The following MYL7 variants were observed in gnomAD, a reference collection of about 807,000 sequenced individuals.
The protein encoded by MYL7 is myosin regulatory light chain 2, atrial isoform.
Under a neutral mutation model 22.5 loss-of-function variants are expected in MYL7, and 27 were observed. That is an observed-to-expected ratio of 1.20 (90% CI 0.89 to 1.66). The LOEUF is 1.66. Ranked by LOEUF, MYL7 falls within the 40% of genes most tolerant of loss-of-function variation. MYL7 has a pLI of 0.00. For synonymous variants in MYL7, 81 were observed against 84.4 expected (o/e 0.96, Z 0.22); for missense variants, 209 against 226.8 (o/e 0.92, Z 0.50).
chr7:44,139,078 G>T (rs1189666254), intron 6 of MYL7, 56 bp from the exon 7 acceptor site: 2 of 1,379,624 alleles, frequency 1.4e-6, no homozygotes, highest in Non-Finnish European at 2.1e-6. Context: ...GCCCGGCAGA[G>T]ACCTCACCTG....
chr7:44,141,163 C>T, intron 1 of MYL7, 89 bp from the exon 2 acceptor site: 1 of 1,571,392 alleles, frequency 6.4e-7, no homozygotes, highest in Non-Finnish European at 8.7e-7. Flanking sequence ...AGAGCATTCC[C>T]AGGAGAGCCA....
Position 44,140,787 on chromosome 7 carries a change from C to T in MYL7, c.118G>A (p.Ala40Thr). 6.2e-7 allele frequency: 1 copy of T among 1,612,768 alleles called. No homozygotes were observed. The highest frequency in any genetic ancestry group is 8.5e-7 in the Non-Finnish European group (1 of 1,179,586). The change falls in exon 3 of 7, where the codon GCC (alanine) becomes ACC (threonine). Residue 40 changes from alanine to threonine, a missense_variant and splice_region_variant. Physicochemically the swap from Ala to Thr is moderately conservative, Grantham distance 58 (BLOSUM62 0). Coordinates refer to ENST00000223364, the MANE Select transcript of MYL7 (RefSeq NM_021223.3). ...EQAQIQEFKE[A>T]FSCIDQNRDG... ...CGATTCTGGTCGATACAGCTGAAGG[C>T]CTGTGGGATGGGGGCCTTCAGGTGG...
In MYL7 at chr7:44,138,881, A is replaced by C; in HGVS notation, c.*40T>G. 1 of 1,548,356 alleles carries C rather than the reference A, an allele frequency of 6.5e-7. No individual in the cohort carries two copies. The highest frequency in any genetic ancestry group is 8.9e-7 in the Non-Finnish European group (1 of 1,120,538). Reference sequence around the variant, plus strand: ...CACAGCAATTCCAATTTTGCAACAGAGTTTATTGAGGTGCCCCCCCGTGGG... The same window carrying C: ...CACAGCAATTCCAATTTTGCAACAGCGTTTATTGAGGTGCCCCCCCGTGGG... On this transcript the variant is annotated 3_prime_UTR_variant, in exon 7 of 7. Transcript: ENST00000223364.
chr7:44,139,950 A>G (rs2096263274), intron 4 of MYL7, 90 bp from the exon 5 acceptor site: 1 of 1,156,988 alleles, frequency 8.6e-7, no homozygotes, highest in Non-Finnish European at 1.2e-6. Context: ...GGAGCCTCCC[A>G]CATCCCAGAA....
chr7:44,139,563 C>T lies in MYL7; in HGVS notation c.384G>A (p.Lys128=), dbSNP rs1327728408. 1 of 1,607,796 alleles carries T rather than the reference C, an allele frequency of 6.2e-7. No homozygotes were observed. ...GKGVVNKDEF[K]QLLLTQADKF... is the part of the protein sequence containing the mutation. The stretch of plus-strand genomic sequence containing the variant: ...TGTCTGCCTGGGTCAGGAGAAGCTG[C>T]TTGAACCTGGGGGGTGAGGAGGGTC... Residue 128 remains lysine (K), a synonymous_variant, in exon 6 of 7, where the codon AAG becomes AAA. Transcript: ENST00000223364.
intron 6 of MYL7, 56 bp downstream of exon 6, chr7:44,139,465 G>A: frequency 1.3e-6 from 2 of 1,582,336 alleles, no homozygotes; most frequent in Non-Finnish European, 1.7e-6. Flanking sequence ...TGGGTCATGG[G>A]TGAAGGCCCA....
Position 44,139,814 on chromosome 7 carries a change from G to A in MYL7, c.345C>T (p.Asp115=), listed in dbSNP as rs931533791. The A allele has an allele frequency of 1.1e-5, 17 of 1,612,226 alleles. No individual in the cohort carries two copies. Among genetic ancestry groups the A allele is most frequent in the Non-Finnish European group, 1.4e-5 (16 of 1,179,656 alleles). ...TGTTCACCACCCCTTTGCCGCTGGG[G>A]TCAAACATGCGGAAGGCACTCAGGA... ...EAILSAFRMF[D]PSGKGVVNKD... Residue 115 remains aspartate (D), a synonymous_variant, in exon 5 of 7, where the codon GAC becomes GAT. Transcript: ENST00000223364.
chr7:44,139,317 A>C, intron 6 of MYL7: 1 of 715,490 alleles, frequency 1.4e-6, no homozygotes, highest in South Asian at 1.6e-5. Flanking sequence ...AGGTCTGTGC[A>C]CAGTCTCCCT....
intron 5 of MYL7, 96 bp from the exon 6 acceptor site, chr7:44,139,665 C>T: frequency 6.4e-7 from 1 of 1,568,688 alleles, no homozygotes. Context: ...GAAGGGTTGG[C>T]TGCACCCCAA....
chr7:44,139,756 C>T (rs751326849), intron 5 of MYL7, 26 bp downstream of exon 5: 3 of 1,611,410 alleles, frequency 1.9e-6, no homozygotes, highest in East Asian at 4.5e-5. Flanking sequence ...CCACGGTGCT[C>T]CTCATCTGGC....
chr7:44,141,070 C>T lies in MYL7; in HGVS notation c.8G>A (p.Ser3Asn), dbSNP rs201717011. 4 of 1,613,946 alleles carry T rather than the reference C, an allele frequency of 2.5e-6. No individual in the cohort carries two copies. The highest frequency in any genetic ancestry group is 3.4e-6 in the Non-Finnish European group (4 of 1,179,932). The part of the protein sequence containing the change: MA[S>N]RKAGTRGKVA... ...CTTGCCCCGGGTCCCCGCCTTCCTGCTGGCCTGCAACACTGTGAGTAGGGA... is the reference window on the plus strand; with the variant it reads ...CTTGCCCCGGGTCCCCGCCTTCCTGTTGGCCTGCAACACTGTGAGTAGGGA... Residue 3 changes from serine (S) to asparagine (N), a missense_variant, in exon 2 of 7, where the codon AGC (serine) becomes AAC (asparagine). Transcript: ENST00000223364.
At chr7:44,140,934 C>T in intron 2 of MYL7, 27 bp downstream of exon 2, 3 of 1,603,046 alleles carry the variant, frequency 1.9e-6, no homozygotes, top group South Asian at 1.1e-5. Context: ...AGGATGGGAT[C>T]TGAGGCTACT....
At chr7:44,141,183 T>G in intron 1 of MYL7, 109 bp from the exon 2 acceptor site, 1 of 1,569,804 alleles carries the variant, frequency 6.4e-7, no homozygotes, top group Non-Finnish European at 8.8e-7. Flanking sequence ...AGGGCCAGGA[T>G]CCTCTTCCTC....
At chr7:44,139,647 G>A in intron 5 of MYL7, 78 bp from the exon 6 acceptor site, 1 of 1,571,982 alleles carries the variant, frequency 6.4e-7, no homozygotes, top group East Asian at 2.2e-5. Context: ...AGGCTCCCAT[G>A]GCGCAGGGAA....
intron 3 of MYL7, 34 bp downstream of exon 3, chr7:44,140,678 C>G (rs555096633): frequency 1.3e-6 from 2 of 1,568,438 alleles, no homozygotes; most frequent in South Asian, 1.2e-5. Context: ...GAGTAGGGAC[C>G]CCAGTGCGCA....
At position 44,139,570 on chromosome 7, in the gene MYL7, C is replaced by T. The variant is rs111533374; in HGVS notation, c.378-1G>A. ...CTGGGTCAGGAGAAGCTGCTTGAAC[C>T]TGGGGGGTGAGGAGGGTCTGAGCAG... On this transcript the variant is annotated splice_acceptor_variant, in intron 5 of 6. Coordinates refer to ENST00000223364, the MANE Select transcript of MYL7 (RefSeq NM_021223.3). LOFTEE classifies it high-confidence loss of function. The T allele has an allele frequency of 6.2e-7, 1 of 1,606,018 alleles. No homozygotes were observed. The highest frequency in any genetic ancestry group is 2.2e-5 in the East Asian group (1 of 44,780).
intron 6 of MYL7, 182 bp downstream of exon 6, chr7:44,139,339 C>T: frequency 5.1e-6 from 4 of 777,940 alleles, no homozygotes; most frequent in South Asian, 2.9e-5. Flanking sequence ...CCTGGCGCAC[C>T]CTGCCCTCTT....
At chr7:44,139,330 C>T in intron 6 of MYL7, 191 bp downstream of exon 6, 1 of 745,136 alleles carries the variant, frequency 1.3e-6, no homozygotes, top group Non-Finnish European at 2.4e-6. Flanking sequence ...GTCTCCCTGC[C>T]TGGCGCACCC....
In MYL7 at chr7:44,138,976, A is replaced by T. The variant is rs747701865; in HGVS notation, c.473T>A (p.Ile158Asn). Residue 158 changes from isoleucine (I) to asparagine (N), a missense_variant, in exon 7 of 7, where the codon ATC (isoleucine) becomes AAC (asparagine). Coordinates refer to ENST00000223364, the MANE Select transcript of MYL7 (RefSeq NM_021223.3). ...ALTPMDLAGN[I>N]DYKSLCYIIT... ...GATGTAGCACAGTGACTTGTAGTCGATGTTCCCCGCCAGGTCCATGGGTGT... is the reference window on the plus strand; with the variant it reads ...GATGTAGCACAGTGACTTGTAGTCGTTGTTCCCCGCCAGGTCCATGGGTGT... The T allele has an allele frequency of 1.2e-5, 20 of 1,613,868 alleles. No homozygotes were observed. Among genetic ancestry groups the T allele is most frequent in the Non-Finnish European group, 1.4e-5 (17 of 1,179,988 alleles).
Sources: allele counts gnomAD v4.1 joint callset, GRCh38; gene constraint gnomAD v4.1.1; transcripts MANE v1.5; gene names NCBI Gene and HGNC (gene_info 2026-07-23, HGNC 2026-07-21).